DLG2: variants seen among roughly 807,000 people sequenced by gnomAD.
DLG2 encodes disks large homolog 2.
A neutral mutation model predicts 132.5 loss-of-function variants in DLG2; 45 were observed. That is an observed-to-expected ratio of 0.34 (90% CI 0.27 to 0.44). The LOEUF (loss-of-function observed/expected upper bound fraction) is 0.44. Ranked by LOEUF, DLG2 falls within the 20% of genes least tolerant of loss-of-function variation. The probability of loss-of-function intolerance (pLI) is 1.00; values close to 1 mark genes in which losing one functional copy is unlikely to be tolerated. For missense variants in DLG2, 1,045 were observed against 1,196.9 expected (o/e 0.87, Z 1.87); for synonymous variants, 424 against 419.6 (o/e 1.01, Z -0.13).
intron 3 of DLG2, among the ~76,000 whole-genome samples, chr11:85,399,364 T>G (rs1245787663): frequency 5.4e-5 from 8 of 148,672 alleles, no homozygotes; most frequent in East Asian, 3.9e-4. Flanking sequence ...CCCAAGGTAA[T>G]TTATAGATTC....
intron 4 of DLG2, among the ~76,000 whole-genome samples, chr11:85,178,254 AG>A (rs930616166): frequency 5.3e-5 from 8 of 152,074 alleles, no homozygotes; most frequent in African/African-American, 1.9e-4. Context: ...TGAAGTATTC[AG>A]GGAAAAAAGG....
intron 7 of DLG2, among the ~76,000 whole-genome samples, chr11:84,472,910 A>T (rs966627211): frequency 6.6e-6 from 1 of 152,072 alleles, no homozygotes; most frequent in African/African-American, 2.4e-5. Context: ...TTACACAATG[A>T]ATTATCACTA....
chr11:83,975,069 C>A (rs186964856), intron 12 of DLG2, among the ~76,000 whole-genome samples: 1 of 152,108 alleles, frequency 6.6e-6, no homozygotes, highest in African/African-American at 2.4e-5. Context: ...GCTGTCCCTG[C>A]AGAGAAGACA....
chr11:85,464,597 T>C (rs887568460), intron 3 of DLG2, among the ~76,000 whole-genome samples: 6 of 152,152 alleles, frequency 3.9e-5, no homozygotes, highest in East Asian at 1.9e-4. Context: ...AAGTTATCTA[T>C]AGGAACAATT....
At chr11:85,489,938 A>T (rs1455108251) in intron 3 of DLG2, among the ~76,000 whole-genome samples, 3 of 152,180 alleles carry the variant, frequency 2.0e-5, no homozygotes, top group African/African-American at 7.2e-5. Flanking sequence ...GGTGTGGTGC[A>T]GCACTTTGGG....
intron 26 of DLG2, among the ~76,000 whole-genome samples, chr11:83,463,421 C>T (rs987160630): frequency 6.6e-6 from 1 of 152,068 alleles, no homozygotes; most frequent in Non-Finnish European, 1.5e-5. Flanking sequence ...GGATGTTACT[C>T]GTGGGTGGAG....
chr11:84,204,031 C>T lies in DLG2; in HGVS notation c.574-40520G>A, dbSNP rs187376863. 1.6e-3 allele frequency among the ~76,000 whole-genome samples: 238 copies of T among 152,274 alleles called. 1 individual carries two copies. The highest frequency in any genetic ancestry group is 5.4e-3 in the African/African-American group (224 of 41,552). ...GGTGTGGAATGGTATGATCTCAGAT[C>T]ACCACAACCTCTGCCTCCCAGGTTC... On this transcript the variant is annotated intron_variant, in intron 8 of 27. Coordinates refer to ENST00000376104, the MANE Select transcript of DLG2 (RefSeq NM_001142699.3).
intron 9 of DLG2, among the ~76,000 whole-genome samples, chr11:84,128,748 G>A (rs2094290593): frequency 6.6e-6 from 1 of 151,934 alleles, no homozygotes; most frequent in African/African-American, 2.4e-5. Flanking sequence ...ACACTTCATT[G>A]ATATAATCAA....
intron 19 of DLG2, among the ~76,000 whole-genome samples, chr11:83,577,833 A>G (rs2096903748): frequency 1.6e-5 from 2 of 126,868 alleles, no homozygotes; most frequent in African/African-American, 6.0e-5. Flanking sequence ...TATTAAATAT[A>G]TATTATATAA....
At chr11:85,585,614 T>G (rs2078914307) in intron 3 of DLG2, among the ~76,000 whole-genome samples, 1 of 152,226 alleles carries the variant, frequency 6.6e-6, no homozygotes, top group Non-Finnish European at 1.5e-5. Context: ...CTGAGAGTTT[T>G]AATCATAAAT....
intron 5 of DLG2, chr11:85,132,726 G>C (rs1443239538): frequency 2.2e-6 from 1 of 456,544 alleles, no homozygotes; most frequent in Non-Finnish European, 4.4e-6. Context: ...AATAATAATA[G>C]AAAAATGCTG....
intron 6 of DLG2, among the ~76,000 whole-genome samples, chr11:84,699,985 T>C (rs2059043191): frequency 6.6e-6 from 1 of 151,616 alleles, no homozygotes; most frequent in Non-Finnish European, 1.5e-5. Flanking sequence ...TTTATTCATC[T>C]GTATAATGGG....
At chr11:85,117,098 G>A (rs1164018819) in intron 5 of DLG2, among the ~76,000 whole-genome samples, 1 of 152,000 alleles carries the variant, frequency 6.6e-6, no homozygotes, top group Non-Finnish European at 1.5e-5. Flanking sequence ...CACTCTCAGA[G>A]TTCGTCAAGG....
chr11:84,047,118 C>T (rs2096257185), intron 11 of DLG2, among the ~76,000 whole-genome samples: 1 of 151,580 alleles, frequency 6.6e-6, no homozygotes, highest in Non-Finnish European at 1.5e-5. Flanking sequence ...CAGAGGAGGA[C>T]TGCATTATTT....
At chr11:83,726,659 A>G (rs1004369523) in intron 18 of DLG2, among the ~76,000 whole-genome samples, 3 of 152,096 alleles carry the variant, frequency 2.0e-5, no homozygotes, top group Admixed American at 1.3e-4. Flanking sequence ...CAGGTATTTG[A>G]CCATTGCCAA....
chr11:84,921,353 T>C (rs538888628), intron 6 of DLG2, among the ~76,000 whole-genome samples: 2 of 152,266 alleles, frequency 1.3e-5, no homozygotes, highest in East Asian at 1.9e-4. Flanking sequence ...GCAATGCATA[T>C]GGTCTCAATT....
At chr11:85,448,219 CAATG>C (rs2092094304) in intron 3 of DLG2, among the ~76,000 whole-genome samples, 1 of 152,120 alleles carries the variant, frequency 6.6e-6, no homozygotes, top group Admixed American at 6.6e-5. Context: ...AAAAGGATAT[CAATG>C]AATTTCTAAT....
At chr11:83,790,082 G>A (rs2041134853) in intron 17 of DLG2, 4 of 1,056,070 alleles carry the variant, frequency 3.8e-6, no homozygotes, top group South Asian at 1.7e-5. Flanking sequence ...GTACTGCAAC[G>A]AGTGTACCTG....
At chr11:84,250,625 G>C (rs752290022) in intron 8 of DLG2, among the ~76,000 whole-genome samples, 1 of 152,082 alleles carries the variant, frequency 6.6e-6, no homozygotes, top group Non-Finnish European at 1.5e-5. Flanking sequence ...GCCTATAGCT[G>C]GTCTCCAATC....
Sources: allele counts gnomAD v4.1 joint callset (sites outside exome capture counted in the v4.1 genomes callset), GRCh38; gene constraint gnomAD v4.1.1; transcripts MANE v1.5; gene names NCBI Gene and HGNC (gene_info 2026-07-23, HGNC 2026-07-21).